DSG1: variants seen among roughly 807,000 people sequenced by gnomAD.
The protein encoded by DSG1 is desmoglein-1.
DSG1 carries 39 observed loss-of-function variants against 97.5 expected under a neutral mutation model. The observed-to-expected ratio is 0.40, with a 90% CI of 0.31 to 0.52. The LOEUF (loss-of-function observed/expected upper bound fraction) is 0.52, where lower values mean the gene tolerates loss of function less well. Ranked by LOEUF, DSG1 falls within the 20% of genes least tolerant of loss-of-function variation. The pLI is 0.53. For synonymous variants in DSG1, 475 were observed against 443.4 expected, an observed-to-expected ratio of 1.07 and a Z score of -0.90; for missense variants, 1,311 against 1,295.4, an observed-to-expected ratio of 1.01 and a Z score of -0.18.
chr18:31,325,425 A>T (rs2071679930), intron 1 of DSG1, among the ~76,000 whole-genome samples: 1 of 152,216 alleles, frequency 6.6e-6, no homozygotes, highest in South Asian at 2.1e-4. Context: ...CAAATAAGGT[A>T]TGCCCATCTC....
chr18:31,321,605 A>G (rs1451165548), intron 1 of DSG1, among the ~76,000 whole-genome samples: 2 of 152,224 alleles, frequency 1.3e-5, no homozygotes, highest in Non-Finnish European at 2.9e-5. Context: ...AGAAACAAGG[A>G]GTACACATTT....
rs774506766 is a variant in DSG1 at position 31,354,305 on chromosome 18, T to C, written c.2109T>C (p.Tyr703=). The C allele has an allele frequency of 3.7e-6, 6 of 1,614,132 alleles. No homozygotes were observed. The highest frequency in any genetic ancestry group is 5.1e-6 in the Non-Finnish European group (6 of 1,179,950). The change falls in exon 15 of 15, where the codon TAT becomes TAC. Residue 703 remains tyrosine, a synonymous_variant. Coordinates refer to ENST00000257192, the MANE Select transcript of DSG1 (RefSeq NM_001942.4). ...FMESYFCQKA[Y]AYADEDEGRP... Reference sequence around the variant, plus strand: ...TTCTCCTATAAATTCAGAAAGCATATGCTTACGCAGATGAAGATGAAGGAC... The same window carrying C: ...TTCTCCTATAAATTCAGAAAGCATACGCTTACGCAGATGAAGATGAAGGAC...
At chr18:31,334,781 C>T (rs974355967) in intron 8 of DSG1, among the ~76,000 whole-genome samples, 7 of 152,172 alleles carry the variant, frequency 4.6e-5, no homozygotes, top group Admixed American at 3.9e-4. Flanking sequence ...TCCAGAACAA[C>T]TGGATGCCGT....
chr18:31,346,687 C>A lies in DSG1; in HGVS notation c.2100+489C>A, dbSNP rs2071841163. Reference sequence around the variant, plus strand: ...CTCCCTCCGAAGTTTTTACAGTTAACCCTCTCATCCAAAATAGGATTAATG... The same window carrying A: ...CTCCCTCCGAAGTTTTTACAGTTAAACCTCTCATCCAAAATAGGATTAATG... On this transcript the variant is annotated intron_variant, in intron 14 of 14. Coordinates refer to ENST00000257192, the MANE Select transcript of DSG1 (RefSeq NM_001942.4). Among the ~76,000 whole-genome samples, 3 of 152,286 alleles carry A rather than the reference C, an allele frequency of 2.0e-5. No individual in the cohort carries two copies. The South Asian group carries it at 6.2e-4, about 32-fold the overall frequency.
chr18:31,343,465 T>C lies in DSG1; in HGVS notation c.1703T>C (p.Met568Thr), dbSNP rs773016470. 7.4e-6 allele frequency: 12 copies of C among 1,613,804 alleles called. No individual in the cohort carries two copies. In the East Asian group the frequency reaches 2.7e-4, roughly 36 times the overall value. Residue 568 changes from methionine (M) to threonine (T), a missense_variant, in exon 12 of 15, where the codon ATG (methionine) becomes ACG (threonine). Physicochemically the swap from Met to Thr is moderately conservative, Grantham distance 81. Coordinates refer to ENST00000257192, the MANE Select transcript of DSG1 (RefSeq NM_001942.4). The stretch of plus-strand genomic sequence containing the variant: ...CCACCACCAGTGGTCCCATTTTTGA[T>C]GATCTGTTGTGATTGTGGAGGTGCT... ...FLVLGLVPFL[M>T]ICCDCGGAPR...
At chr18:31,344,244 A>G (rs1012267704) in intron 13 of DSG1, among the ~76,000 whole-genome samples, 1 of 152,196 alleles carries the variant, frequency 6.6e-6, no homozygotes, top group East Asian at 1.9e-4. Flanking sequence ...TAGGATCTCT[A>G]TATATGCAGA....
chr18:31,352,796 C>T (rs950546481), intron 14 of DSG1, among the ~76,000 whole-genome samples: 5 of 147,780 alleles, frequency 3.4e-5, no homozygotes, highest in Non-Finnish European at 7.4e-5. Context: ...TCACGTAGTT[C>T]TCGAGCCTTG....
At chr18:31,336,264 TAA>T (rs747039484) in intron 8 of DSG1, 88 bp from the exon 9 acceptor site, 100 of 1,030,794 alleles carry the variant, frequency 9.7e-5, no homozygotes, top group Non-Finnish European at 1.3e-4. Context: ...AGAAAGATAA[TAA>T]GTTTTTTTTG....
rs960705893 is a variant in DSG1 at position 31,343,960 on chromosome 18, A to G, written c.1856A>G (p.Asp619Gly). 9.3e-6 allele frequency: 15 copies of G among 1,613,308 alleles called. No homozygotes were observed. Among genetic ancestry groups the G allele is most frequent in the Non-Finnish European group, 1.3e-5 (15 of 1,179,498 alleles). The change falls in exon 13 of 15, where the codon GAT becomes GGT. Residue 619 changes from aspartate (D) to glycine (G), a missense_variant. By Grantham distance (94) the Asp-to-Gly change is moderately conservative (BLOSUM62 -1). Coordinates refer to ENST00000257192, the MANE Select transcript of DSG1 (RefSeq NM_001942.4). Reference protein sequence around the residue: ...ITTVIPQIPPDNANIIECIDN... With the variant: ...ITTVIPQIPPGNANIIECIDN... ...ACTGTCATACCACAAATACCACCTG[A>G]TAACGCAAATATAATTGAATGCATT...
chr18:31,358,208 A>C lies in DSG1; in HGVS notation c.*2862A>C, dbSNP rs2071974839. The stretch of plus-strand genomic sequence containing the variant: ...TATAAAATATCTATCTGACTGTCTA[A>C]AGAGGTAATCTTTAGGAGCAAAAAT... On this transcript the variant is annotated 3_prime_UTR_variant, in exon 15 of 15. Coordinates refer to ENST00000257192, the MANE Select transcript of DSG1 (RefSeq NM_001942.4). Among the ~76,000 whole-genome samples, 1 of 151,974 alleles carries C rather than the reference A, an allele frequency of 6.6e-6. No individual in the cohort carries two copies. Among genetic ancestry groups the C allele is most frequent in the African/African-American group, 2.4e-5 (1 of 41,444 alleles).
Position 31,354,670 on chromosome 18 carries a change from CT to C in DSG1, c.2475del (p.Ile826PhefsTer12). On this transcript the variant is annotated frameshift_variant, in exon 15 of 15. Transcript: ENST00000257192. LOFTEE classifies it high-confidence loss of function. The stretch of plus-strand genomic sequence containing the variant: ...GGACCTGGTGTACTGCATCCTAAGC[CT>C]ATTCTCGATCCTCTGGGCTATGGTA... The part of the protein sequence containing the change: ...PSGPGVLHPK[P>X]ILDPLGYGNV... 1.2e-6 allele frequency: 2 copies of C among 1,614,140 alleles called. No homozygotes were observed. Among genetic ancestry groups the C allele is most frequent in the Non-Finnish European group, 1.7e-6 (2 of 1,180,024 alleles).
rs771294328 is a variant in DSG1 at position 31,346,148 on chromosome 18, T to G, written c.2050T>G (p.Cys684Gly). 1.9e-6 allele frequency: 3 copies of G among 1,613,782 alleles called. No individual in the cohort carries two copies. The highest frequency in any genetic ancestry group is 2.5e-6 in the Non-Finnish European group (3 of 1,179,840). ...ATTAAGAAGAAATTCTATGAGGGAA[T>G]GTAGAGAAGGAGGTCTGAATATGAA... The part of the protein sequence containing the change: ...GTLRRNSMRE[C>G]REGGLNMNFM... Residue 684 changes from cysteine (C) to glycine (G), a missense_variant, in exon 14 of 15, where the codon TGT becomes GGT. Cys to Gly is a radical substitution (Grantham distance 159). Transcript: ENST00000257192.
rs1479887676 is a variant in DSG1 at position 31,359,037 on chromosome 18, T to C, written c.*3691T>C. ...GTCAAACTGTACCTAGTCTAACTTA[T>C]TTTTCTTTTGCTGTCGTTTTACAAG... is the stretch of plus-strand genomic sequence containing the variant. On this transcript the variant is annotated 3_prime_UTR_variant, in exon 15 of 15. Coordinates refer to ENST00000257192, the MANE Select transcript of DSG1 (RefSeq NM_001942.4). Among the ~76,000 whole-genome samples, 2 of 152,182 alleles carry C rather than the reference T, an allele frequency of 1.3e-5. No individual in the cohort carries two copies. The highest frequency in any genetic ancestry group is 4.8e-5 in the African/African-American group (2 of 41,460).
In DSG1 at chr18:31,355,415, CAATGTGATTT is replaced by C. The variant is rs748630735; in HGVS notation, c.*71_*80del. ...CCAATTCCCACCACTAAAAAACCAA[CAATGTGATTT>C]ATAACGCACAACTTCGTGCTCAGGT... On this transcript the variant is annotated 3_prime_UTR_variant, in exon 15 of 15. Coordinates refer to ENST00000257192, the MANE Select transcript of DSG1 (RefSeq NM_001942.4). The C allele has an allele frequency of 1.5e-4, 213 of 1,461,216 alleles. No homozygotes were observed. In the Middle Eastern group the frequency reaches 2.0e-3, roughly 13 times the overall value. 90.5% of individuals were successfully genotyped at this position (1,461,216 alleles called of 1,614,324 possible). A position where few individuals can be genotyped will look rare whatever the true frequency, so the allele number is the denominator to read the frequency against.
chr18:31,354,799 T>C lies in DSG1; in HGVS notation c.2603T>C (p.Val868Ala). Reference sequence around the variant, plus strand: ...TCAAACGTGGTAGTGACAGAGAGAGTGGTCGGCCCAATCTCTGGCGCTGAT... The same window carrying C: ...TCAAACGTGGTAGTGACAGAGAGAGCGGTCGGCCCAATCTCTGGCGCTGAT... ...PASNVVVTERVVGPISGADLH... is the reference protein window; with the variant it reads ...PASNVVVTERAVGPISGADLH... The change falls in exon 15 of 15, where the codon GTG becomes GCG. Residue 868 changes from valine to alanine, a missense_variant. Val to Ala is a moderately conservative substitution (Grantham distance 64, BLOSUM62 0). Coordinates refer to ENST00000257192, the MANE Select transcript of DSG1 (RefSeq NM_001942.4). The C allele has an allele frequency of 6.2e-7, 1 of 1,613,878 alleles. No individual in the cohort carries two copies. Among genetic ancestry groups the C allele is most frequent in the Non-Finnish European group, 8.5e-7 (1 of 1,179,966 alleles).
At chr18:31,334,275 T>G in intron 8 of DSG1, 73 bp downstream of exon 8, 1 of 1,104,438 alleles carries the variant, frequency 9.1e-7, no homozygotes, top group Non-Finnish European at 1.3e-6. Context: ...AATAAAATGA[T>G]GCTAACATTT....
intron 1 of DSG1, among the ~76,000 whole-genome samples, chr18:31,318,721 GT>G (rs1403302808): frequency 0.024 from 3,009 of 125,586 alleles, 90 homozygotes; most frequent in African/African-American, 0.07. Context: ...TTTTTAACCT[GT>G]TTTTTTTTTT....
Position 31,357,721 on chromosome 18 carries a change from T to C in DSG1, c.*2375T>C, listed in dbSNP as rs1272786211. Among the ~76,000 whole-genome samples the C allele has an allele frequency of 2.0e-5, 3 of 151,986 alleles. No individual in the cohort carries two copies. Among genetic ancestry groups the C allele is most frequent in the Admixed American group, 6.6e-5 (1 of 15,264 alleles). ...AGAAAAAACATGGCCATTTGAGTCA[T>C]TGAGTCATCTATCTTTCTAGGAAGA... is the stretch of plus-strand genomic sequence containing the variant. On this transcript the variant is annotated 3_prime_UTR_variant, in exon 15 of 15. Transcript: ENST00000257192.
chr18:31,329,247 CA>C (rs1420573664), intron 4 of DSG1, among the ~76,000 whole-genome samples: 1 of 151,958 alleles, frequency 6.6e-6, no homozygotes, highest in African/African-American at 2.4e-5. Context: ...TCGTCATGGC[CA>C]ACACTTCTTA....
Sources: gnomAD v4.1 joint callset for allele counts (sites outside exome capture counted in the v4.1 genomes callset) on GRCh38, gnomAD v4.1.1 for gene constraint, MANE v1.5 for transcripts, NCBI Gene and HGNC (gene_info 2026-07-23, HGNC 2026-07-21) for gene names.